Variants in LINGO2 observed in about 807,000 individuals in gnomAD.
LINGO2 encodes the protein leucine rich repeat and Ig domain containing 2.
A neutral mutation model predicts 30.6 loss-of-function variants in LINGO2; 14 were observed. The observed-to-expected ratio is 0.46, with a 90% CI of 0.30 to 0.72. The LOEUF is 0.72. Among genes scored for constraint, LINGO2 ranks in the 30% least tolerant of loss-of-function variants. The probability of loss-of-function intolerance (pLI) is 0.07; values close to 1 mark genes in which losing one functional copy is unlikely to be tolerated. For synonymous variants in LINGO2, 317 were observed against 288.5 expected, an observed-to-expected ratio of 1.10 and a Z score of -1.00; for missense variants, 729 against 751.7, an observed-to-expected ratio of 0.97 and a Z score of 0.35.
intron 4 of LINGO2, among the ~76,000 whole-genome samples, chr9:28,047,898 G>A (rs531093349): frequency 1.3e-5 from 2 of 150,422 alleles, no homozygotes; most frequent in South Asian, 4.3e-4. Flanking sequence ...TTCACCCCAG[G>A]GAAATTTACA....
intron 3 of LINGO2, among the ~76,000 whole-genome samples, chr9:28,330,678 A>G (rs1039346427): frequency 1.3e-5 from 2 of 152,154 alleles, no homozygotes; most frequent in African/African-American, 4.8e-5. Context: ...GATCACCTTG[A>G]CTGTGACACC....
At chr9:28,012,222 A>G (rs532389851) in intron 5 of LINGO2, 16 of 152,034 alleles carry the variant, frequency 1.1e-4, no homozygotes, top group Admixed American at 1.0e-3. Flanking sequence ...GAAACTGAGA[A>G]GCATGTATAA....
At chr9:28,021,769 G>A (rs1284556046) in intron 4 of LINGO2, among the ~76,000 whole-genome samples, 1 of 152,010 alleles carries the variant, frequency 6.6e-6, no homozygotes, top group East Asian at 1.9e-4. Context: ...TTGTTCTGAA[G>A]TCAGTTTCGT....
chr9:28,381,859 G>A (rs1331879), intron 2 of LINGO2, among the ~76,000 whole-genome samples: 50,965 of 151,932 alleles, frequency 0.34, 9,825 homozygotes, highest in Non-Finnish European at 0.41. Flanking sequence ...TGCCCTGTGA[G>A]TCAATAGGCT....
At chr9:27,985,316 T>C (rs1821073583) in intron 5 of LINGO2, among the ~76,000 whole-genome samples, 1 of 151,886 alleles carries the variant, frequency 6.6e-6, no homozygotes. Context: ...TATTTCAAAT[T>C]AAACAGCTCC....
At chr9:28,647,686 T>C (rs920586946) in intron 1 of LINGO2, among the ~76,000 whole-genome samples, 1 of 152,090 alleles carries the variant, frequency 6.6e-6, no homozygotes, top group African/African-American at 2.4e-5. Flanking sequence ...ATGTAAAGGT[T>C]ATCTTGCCCT....
chr9:28,548,653 G>A (rs944204437), intron 1 of LINGO2, among the ~76,000 whole-genome samples: 4 of 133,738 alleles, frequency 3.0e-5, no homozygotes, highest in Non-Finnish European at 6.1e-5. Context: ...GCACTGAGCC[G>A]AGATTGAGCC....
At chr9:27,990,469 C>CT (rs953777526) in intron 5 of LINGO2, among the ~76,000 whole-genome samples, 16 of 124,252 alleles carry the variant, frequency 1.3e-4, no homozygotes, top group African/African-American at 3.9e-4. Flanking sequence ...AATACCCCCC[C>CT]CCCTTTTATT....
intron 4 of LINGO2, among the ~76,000 whole-genome samples, chr9:28,085,570 CA>C (rs928705208): frequency 6.4e-4 from 97 of 152,078 alleles, no homozygotes; most frequent in African/African-American, 2.3e-3. Flanking sequence ...CAAAGTGGAC[CA>C]AATGGACTGC....
chr9:27,961,762 T>C (rs563586340), intron 5 of LINGO2, among the ~76,000 whole-genome samples: 48 of 152,236 alleles, frequency 3.2e-4, no homozygotes, highest in African/African-American at 1.1e-3. Flanking sequence ...AAAAAAATAG[T>C]GGTTACTCTC....
chr9:29,200,942 T>C, the LINGO2 span, among the ~76,000 whole-genome samples: 3 of 152,156 alleles, frequency 2.0e-5, no homozygotes, highest in South Asian at 2.1e-4. Flanking sequence ...ACTAAAGTTA[T>C]GCATTTCTGG....
At chr9:28,363,700 C>A (rs185112585) in intron 3 of LINGO2, among the ~76,000 whole-genome samples, 523 of 151,602 alleles carry the variant, frequency 3.4e-3, no homozygotes, top group Admixed American at 5.6e-3. Context: ...AAAAAAAAAA[C>A]CCTTTATTAC....
chr9:29,088,591 T>C, the LINGO2 span, among the ~76,000 whole-genome samples: 20 of 152,314 alleles, frequency 1.3e-4, no homozygotes, highest in African/African-American at 4.6e-4. Context: ...TTAGGAAATA[T>C]AATTTGTTAG....
intron 1 of LINGO2, among the ~76,000 whole-genome samples, chr9:28,520,285 C>T (rs1047966752): frequency 5.3e-5 from 8 of 151,932 alleles, no homozygotes; most frequent in African/African-American, 1.9e-4. Context: ...TGAATTATGA[C>T]GATGTAGGTT....
intron 4 of LINGO2, among the ~76,000 whole-genome samples, chr9:28,054,971 C>A (rs1450355947): frequency 6.6e-6 from 1 of 151,978 alleles, no homozygotes; most frequent in East Asian, 1.9e-4. Context: ...GTGAATACTC[C>A]TTACATAAGC....
the LINGO2 span, among the ~76,000 whole-genome samples, chr9:29,096,516 C>T: frequency 7.2e-6 from 1 of 139,514 alleles, no homozygotes; most frequent in African/African-American, 2.7e-5. Context: ...AAATTCCTGA[C>T]CCCAAGTGAT....
intron 1 of LINGO2, among the ~76,000 whole-genome samples, chr9:28,575,269 G>C (rs1412873489): frequency 2.0e-5 from 3 of 151,770 alleles, no homozygotes; most frequent in Non-Finnish European, 2.9e-5. Flanking sequence ...GCAGTGGCGG[G>C]CGCCTGTAAT....
chr9:28,208,389 G>A (rs541232568), intron 4 of LINGO2, among the ~76,000 whole-genome samples: 2 of 151,858 alleles, frequency 1.3e-5, no homozygotes, highest in South Asian at 2.1e-4. Flanking sequence ...TATATCTTAC[G>A]GCAAATCTTA....
intron 4 of LINGO2, among the ~76,000 whole-genome samples, chr9:28,062,535 T>C (rs867631273): frequency 6.5e-4 from 93 of 143,266 alleles, no homozygotes; most frequent in Middle Eastern, 3.7e-3. Flanking sequence ...TACATATACA[T>C]ATATACTATA....
Sources: gnomAD v4.1 joint callset for allele counts (sites outside exome capture counted in the v4.1 genomes callset) on GRCh38, gnomAD v4.1.1 for gene constraint, MANE v1.5 for transcripts, NCBI Gene and HGNC (gene_info 2026-07-23, HGNC 2026-07-21) for gene names.